The following PTPRN2 variants were observed in gnomAD, a reference collection of about 807,000 sequenced individuals.
PTPRN2 encodes the protein receptor-type tyrosine-protein phosphatase N2.
Under a neutral mutation model 118.8 loss-of-function variants are expected in PTPRN2, and 74 were observed. The observed-to-expected ratio is 0.62, with a 90% CI of 0.52 to 0.76. The LOEUF (loss-of-function observed/expected upper bound fraction) is 0.76, where lower values mean the gene tolerates loss of function less well. Among genes scored for constraint, PTPRN2 ranks in the 30% least tolerant of loss-of-function variants. PTPRN2 has a pLI of 0.00. For synonymous variants in PTPRN2, 641 were observed against 608.0 expected (o/e 1.05, Z -0.80); for missense variants, 1,481 against 1,394.4 (o/e 1.06, Z -0.99).
At chr7:158,496,331 TCC>T (rs1821852903) in intron 1 of PTPRN2, among the ~76,000 whole-genome samples, 2 of 66,170 alleles carry the variant, frequency 3.0e-5, no homozygotes, top group African/African-American at 1.3e-4. Context: ...CTGTGGCCCC[TCC>T]CCTTCCCTGT....
At chr7:157,793,875 G>A (rs568817592) in intron 12 of PTPRN2, among the ~76,000 whole-genome samples, 6 of 152,222 alleles carry the variant, frequency 3.9e-5, no homozygotes, top group East Asian at 1.9e-4. Flanking sequence ...TGCCTCCTCC[G>A]CCTTGCAGGG....
At chr7:157,795,207 G>C (rs1341324996) in intron 12 of PTPRN2, among the ~76,000 whole-genome samples, 2 of 151,304 alleles carry the variant, frequency 1.3e-5, no homozygotes, top group African/African-American at 4.9e-5. Context: ...CTGTGCACCT[G>C]GGTGGCACCT....
At chr7:158,413,734 G>A (rs549771632) in intron 2 of PTPRN2, among the ~76,000 whole-genome samples, 3 of 152,352 alleles carry the variant, frequency 2.0e-5, no homozygotes, top group African/African-American at 7.2e-5. Flanking sequence ...CTAGGAGAAC[G>A]GGCCCATCCT....
intron 11 of PTPRN2, among the ~76,000 whole-genome samples, chr7:157,972,097 C>T (rs1461552989): frequency 2.0e-5 from 3 of 152,158 alleles, no homozygotes; most frequent in African/African-American, 4.8e-5. Context: ...AATTTTTCTC[C>T]CCAATGATTG....
At chr7:157,746,855 C>T (rs1030089939) in intron 12 of PTPRN2, among the ~76,000 whole-genome samples, 4 of 151,784 alleles carry the variant, frequency 2.6e-5, no homozygotes, top group Non-Finnish European at 5.9e-5. Context: ...GAGCTGCGGG[C>T]AGTTGAGGTG....
intron 1 of PTPRN2, chr7:158,532,812 G>C (rs201352992): frequency 1.1e-5 from 6 of 534,554 alleles, no homozygotes; most frequent in Non-Finnish European, 2.3e-5. Context: ...GCAGGCTTCC[G>C]TGCAGGAGCC....
intron 12 of PTPRN2, among the ~76,000 whole-genome samples, chr7:157,762,981 C>T (rs1015571008): frequency 4.6e-5 from 7 of 151,794 alleles, no homozygotes; most frequent in Non-Finnish European, 8.8e-5. Context: ...CGCCCACTCA[C>T]GGTCGGTCAC....
chr7:157,954,735 G>C (rs868556568), intron 11 of PTPRN2, among the ~76,000 whole-genome samples: 2 of 152,146 alleles, frequency 1.3e-5, no homozygotes, highest in African/African-American at 4.8e-5. Context: ...CCTTTTCAGG[G>C]GTGGAAGTGG....
At chr7:158,467,036 A>G (rs1733148) in intron 2 of PTPRN2, among the ~76,000 whole-genome samples, 125,981 of 152,182 alleles carry the variant, frequency 0.83, 52,261 homozygotes, top group African/African-American at 0.86. Flanking sequence ...CAAACAAAGC[A>G]TCCAAGTGTC....
rs1486385975 is a variant in PTPRN2 at position 157,868,396 on chromosome 7, G to C, written c.1788+30277C>G. The C allele has an allele frequency of 6.6e-6, 1 of 152,252 alleles. No homozygotes were observed. Among genetic ancestry groups the C allele is most frequent in the Admixed American group, 6.5e-5 (1 of 15,288 alleles). 9.4% of individuals were successfully genotyped at this position (152,252 alleles called of 1,614,324 possible). A position where few individuals can be genotyped will look rare whatever the true frequency, so the allele number is the denominator to read the frequency against. The stretch of plus-strand genomic sequence containing the variant: ...CAGGACATTGGATCTCTGCGGGGCA[G>C]CAGCTCATGGCCCAGCTGTAGGAAA... On this transcript the variant is annotated intron_variant, in intron 12 of 22. Transcript: ENST00000389418. The surrounding 1 kb of genome is among the most constrained non-coding windows in gnomAD (Gnocchi z 5.2).
chr7:158,503,501 A>G (rs1314425993), intron 1 of PTPRN2, among the ~76,000 whole-genome samples: 2 of 152,222 alleles, frequency 1.3e-5, no homozygotes, highest in Non-Finnish European at 2.9e-5. Flanking sequence ...AGGTTTCCCA[A>G]ACTGGAAGCA....
At chr7:157,558,034 C>T (rs994068924) in intron 21 of PTPRN2, among the ~76,000 whole-genome samples, 11 of 104,318 alleles carry the variant, frequency 1.1e-4, no homozygotes, top group African/African-American at 3.0e-4. Context: ...AGCATCAACG[C>T]GGAGACACCG....
At chr7:158,098,149 C>T (rs898443619) in intron 10 of PTPRN2, among the ~76,000 whole-genome samples, 4 of 152,222 alleles carry the variant, frequency 2.6e-5, no homozygotes, top group African/African-American at 4.8e-5. Flanking sequence ...TGAGCACACA[C>T]GCACGCAGGC....
chr7:157,931,910 T>C (rs1194181684), intron 11 of PTPRN2, among the ~76,000 whole-genome samples: 7 of 152,212 alleles, frequency 4.6e-5, no homozygotes, highest in African/African-American at 1.7e-4. Context: ...TTTCTATTGT[T>C]ACTCTAAGTT....
At chr7:158,075,441 C>T (rs1812265850) in intron 11 of PTPRN2, among the ~76,000 whole-genome samples, 1 of 152,074 alleles carries the variant, frequency 6.6e-6, no homozygotes, top group South Asian at 2.1e-4. Flanking sequence ...CCATGTCCAG[C>T]CCACGTGGCC....
intron 12 of PTPRN2, among the ~76,000 whole-genome samples, chr7:157,683,320 G>A (rs529203148): frequency 5.3e-5 from 8 of 152,328 alleles, no homozygotes; most frequent in African/African-American, 1.9e-4. Context: ...GGGGGTGCTG[G>A]GGGGAGGCCA....
intron 12 of PTPRN2, among the ~76,000 whole-genome samples, chr7:157,692,238 C>A (rs1797538444): frequency 6.6e-6 from 1 of 152,034 alleles, no homozygotes; most frequent in African/African-American, 2.4e-5. Flanking sequence ...GCCGCACACC[C>A]GGCTGCCCGC....
chr7:158,542,142 G>T (rs559044830), intron 1 of PTPRN2, among the ~76,000 whole-genome samples: 2 of 151,960 alleles, frequency 1.3e-5, no homozygotes, highest in African/African-American at 4.8e-5. Context: ...TTCTTTTTTT[G>T]TTGTTGTTGT....
chr7:158,067,786 G>A (rs995289997), intron 11 of PTPRN2, among the ~76,000 whole-genome samples: 97 of 152,046 alleles, frequency 6.4e-4, no homozygotes, highest in African/African-American at 2.3e-3. Context: ...GCCGGGCCGC[G>A]GGCAGCACAC....
Sources: allele counts gnomAD v4.1 joint callset (sites outside exome capture counted in the v4.1 genomes callset), GRCh38; gene constraint gnomAD v4.1.1; non-coding constraint Gnocchi (gnomAD v3.1); transcripts MANE v1.5; gene names NCBI Gene and HGNC (gene_info 2026-07-23, HGNC 2026-07-21).